The following COL2A1 variants were observed in gnomAD, a reference collection of about 807,000 sequenced individuals.
COL2A1 encodes the protein collagen alpha-1(II) chain.
A neutral mutation model predicts 204.5 loss-of-function variants in COL2A1; 28 were observed. That is an observed-to-expected ratio of 0.14 (90% CI 0.10 to 0.19). The LOEUF (loss-of-function observed/expected upper bound fraction) is 0.19. COL2A1 is among the 10% of genes least tolerant of loss of function. The pLI, the probability that COL2A1 is intolerant of heterozygous loss-of-function variation, is 1.00. For synonymous variants in COL2A1, 708 were observed against 718.7 expected (o/e 0.99, Z 0.24); for missense variants, 1,388 against 2,027.5 (o/e 0.68, Z 6.06).
chr12:47,996,424 A>T, intron 8 of COL2A1, 124 bp downstream of exon 8: 1 of 860,016 alleles, frequency 1.2e-6, no homozygotes. Context: ...ATGGGAGGTT[A>T]CATAACTACG....
At chr12:47,995,826 G>A (rs1307320827) in intron 9 of COL2A1, 49 bp downstream of exon 9, 5 of 1,608,256 alleles carry the variant, frequency 3.1e-6, no homozygotes, top group Non-Finnish European at 3.4e-6. Context: ...CATAGTGCTT[G>A]GGAATCATCT....
In COL2A1 at chr12:47,976,778, C is replaced by A. The variant is rs1452907715; in HGVS notation, c.3435+34G>T. 8.2e-6 allele frequency: 13 copies of A among 1,581,458 alleles called. No individual in the cohort carries two copies. The highest frequency in any genetic ancestry group is 1.1e-5 in the Non-Finnish European group (13 of 1,156,114). Reference sequence around the variant, plus strand: ...CAAGTGGGCTCTGTGTGGCAGGAGGCCTCGGGAAGTCCCACGCAGGCAGTG... The same window carrying A: ...CAAGTGGGCTCTGTGTGGCAGGAGGACTCGGGAAGTCCCACGCAGGCAGTG... On this transcript the variant is annotated intron_variant, in intron 48 of 53. Coordinates refer to ENST00000380518, the MANE Select transcript of COL2A1 (RefSeq NM_001844.5). This position sits in a 1 kb window ranked among gnomAD's most constrained non-coding sequence, Gnocchi z 4.3.
At chr12:47,996,062 C>A in intron 8 of COL2A1, 143 bp from the exon 9 acceptor site, 1 of 689,552 alleles carries the variant, frequency 1.5e-6, no homozygotes, top group Non-Finnish European at 2.6e-6. Context: ...TGCTCCCTCT[C>A]ATTTCCCACT....
rs374360275 is a variant in COL2A1 at position 47,975,401 on chromosome 12, T to G, written c.3802A>C (p.Ser1268Arg). 26 of 1,614,070 alleles carry G rather than the reference T, an allele frequency of 1.6e-5. 1 individual carries two copies. ...TLKSLNNQIE[S>R]IRSPEGSRKN... The stretch of plus-strand genomic sequence containing the variant: ...CGGGAGCCCTCGGGGCTGCGGATGC[T>G]CTCAATCTGGTTGTTGAGGGACTTG... Residue 1268 changes from serine (S) to arginine (R), a missense_variant, in exon 51 of 54, where the codon AGC (serine) becomes CGC (arginine). By Grantham distance (110) the Ser-to-Arg change is moderately radical (BLOSUM62 -1). Around this residue, in one of 3 missense-constraint regions of COL2A1, gnomAD observed 303 missense variants for 369.2 expected, o/e 0.82. Coordinates refer to ENST00000380518, the MANE Select transcript of COL2A1 (RefSeq NM_001844.5).
chr12:48,002,620 TG>T (rs1277390983), intron 1 of COL2A1: 1 of 152,172 alleles, frequency 6.6e-6, no homozygotes, highest in African/African-American at 2.4e-5. Flanking sequence ...TAATACCGGA[TG>T]GAGAATTTGA....
chr12:47,998,348 A>T, intron 3 of COL2A1, 67 bp downstream of exon 3: 1 of 1,515,916 alleles, frequency 6.6e-7, no homozygotes, highest in Non-Finnish European at 9.1e-7. Context: ...TTAACATAGC[A>T]TTGCTTTTGA....
chr12:47,982,057 C>G, intron 35 of COL2A1, 50 bp downstream of exon 35: 1 of 1,571,194 alleles, frequency 6.4e-7, no homozygotes, highest in Admixed American at 1.7e-5. Context: ...CTCCTGGGTG[C>G]AGGGCTAGGA....
Position 47,977,025 on chromosome 12 carries a change from C to A in COL2A1, c.3327+77G>T, listed in dbSNP as rs1042782541. 5 of 1,554,232 alleles carry A rather than the reference C, an allele frequency of 3.2e-6. No homozygotes were observed. In the Admixed American group the frequency reaches 9.6e-5, roughly 30 times the overall value. On this transcript the variant is annotated intron_variant, in intron 47 of 53. Transcript: ENST00000380518. ...CCCCGGAAACACAGGGCTGGAGGCC[C>A]AGGAACCACCTGGAGGCTGGCTGCC...
At chr12:47,984,512 C>A in intron 28 of COL2A1, 34 bp downstream of exon 28, 1 of 1,612,566 alleles carries the variant, frequency 6.2e-7, no homozygotes, top group Middle Eastern at 1.6e-4. Context: ...GCCCGGCCAA[C>A]ACCAAGTCAT....
intron 46 of COL2A1, 25 bp from the exon 47 acceptor site, chr12:47,977,180 C>T: frequency 6.2e-7 from 1 of 1,611,724 alleles, no homozygotes; most frequent in Non-Finnish European, 8.5e-7. Flanking sequence ...AGCGCAGCGT[C>T]AGAGAAAAGC....
intron 41 of COL2A1, 93 bp downstream of exon 41, chr12:47,979,418 G>A: frequency 7.4e-7 from 1 of 1,355,174 alleles, no homozygotes; most frequent in Admixed American, 1.7e-5. Context: ...TCAGAGGAGT[G>A]AAGGCCAGCC....
At chr12:47,979,640 GGT>G in intron 40 of COL2A1, 76 bp from the exon 41 acceptor site, 2 of 546,624 alleles carry the variant, frequency 3.7e-6, no homozygotes, top group Non-Finnish European at 3.6e-6. Context: ...GGGGGGCGGG[GGT>G]GGTCTCAGAG....
Position 47,975,547 on chromosome 12 carries a change from T to C in COL2A1, c.3656A>G (p.Asp1219Gly), listed in dbSNP as rs751251798. 1.3e-5 allele frequency: 21 copies of C among 1,605,388 alleles called. No individual in the cohort carries two copies. Among genetic ancestry groups the C allele is most frequent in the Non-Finnish European group, 1.8e-5 (21 of 1,179,914 alleles). ...GCCTAAGCCAGCAAAGGCGGACATG[T>C]CGATGCCAGGGCCAGGGGGACCTGG... ...GPPGPPGPGI[D>G]MSAFAGLGPR... is the part of the protein sequence containing the mutation. The change falls in exon 51 of 54, where the codon GAC becomes GGC. Residue 1219 changes from aspartate (D) to glycine (G), a missense_variant. Asp to Gly is a moderately conservative substitution (Grantham distance 94). Transcript: ENST00000380518.
In COL2A1 at chr12:47,997,704, C is replaced by T; in HGVS notation, c.433G>A (p.Ala145Thr). 1 of 1,614,074 alleles carries T rather than the reference C, an allele frequency of 6.2e-7. No individual in the cohort carries two copies. The highest frequency in any genetic ancestry group is 1.1e-5 in the South Asian group (1 of 91,076). ...GDRGDKGEKG[A>T]PGPRGRDGEP... ...CCATCTCTGCCACGAGGTCCAGGGG[C>T]ACCCTTGGCATAAAGAGAAAAAGGC... is the stretch of plus-strand genomic sequence containing the variant. Residue 145 changes from alanine (A) to threonine (T), a missense_variant, in exon 7 of 54, where the codon GCC (alanine) becomes ACC (threonine). Physicochemically the swap from Ala to Thr is moderately conservative, Grantham distance 58 (BLOSUM62 0). Coordinates refer to ENST00000380518, the MANE Select transcript of COL2A1 (RefSeq NM_001844.5).
chr12:47,978,898 C>G lies in COL2A1; in HGVS notation c.2734-140G>C, dbSNP rs1404145440. ...CCCACACTAAGGGCAGGCAGCTTAA[C>G]CCCCCCAACCCCAATCTACCGCTGC... On this transcript the variant is annotated intron_variant, in intron 41 of 53. Coordinates refer to ENST00000380518, the MANE Select transcript of COL2A1 (RefSeq NM_001844.5). This position sits in a 1 kb window ranked among gnomAD's most constrained non-coding sequence, Gnocchi z 5.5. 4.9e-6 allele frequency: 4 copies of G among 813,822 alleles called. No individual in the cohort carries two copies. The African/African-American group carries it at 6.8e-5, about 14-fold the overall frequency. 50.4% of individuals were successfully genotyped at this position (813,822 alleles called of 1,614,324 possible).
rs1200816320 is a variant in COL2A1, at chr12:47,974,256, C to T, written c.4150G>A (p.Glu1384Lys). 11 of 1,614,228 alleles carry T rather than the reference C, an allele frequency of 6.8e-6. No homozygotes were observed. Among genetic ancestry groups the T allele is most frequent in the Non-Finnish European group, 8.5e-6 (10 of 1,180,046 alleles). ...TGGTAGGTGATGTTCTGGGAGCCTT[C>T]CGTGGACAGCAGGCGTAGGAAGGTC... The part of the protein sequence containing the change: ...QMTFLRLLST[E>K]GSQNITYHCK... The change falls in exon 53 of 54, where the codon GAA becomes AAA. Residue 1384 changes from glutamate (E) to lysine (K), a missense_variant. Transcript: ENST00000380518.
chr12:48,002,480 A>G (rs956912367), intron 1 of COL2A1: 15 of 152,166 alleles, frequency 9.9e-5, no homozygotes, highest in Non-Finnish European at 8.8e-5. Flanking sequence ...AGCCTCTCGG[A>G]TGCAGAATCA....
chr12:47,999,655 T>TTTTTTTTA lies in COL2A1; in HGVS notation c.292+263_292+264insTAAAAAAA, dbSNP rs1940138084. On this transcript the variant is annotated intron_variant, in intron 2 of 53. Coordinates refer to ENST00000380518, the MANE Select transcript of COL2A1 (RefSeq NM_001844.5). Reference sequence around the variant, plus strand: ...GAGGATTTTTTTTTTTTTTTTTTTGTAGAATCACATCTGTCCTTCATGTGT... The same window carrying TTTTTTTTA: ...GAGGATTTTTTTTTTTTTTTTTTTGTTTTTTTTAAGAATCACATCTGTCCTTCATGTGT... 7.5e-5 allele frequency: 14 copies of TTTTTTTTA among 185,846 alleles called. 5 individuals are homozygous for TTTTTTTTA. Among genetic ancestry groups the TTTTTTTTA allele is most frequent in the East Asian group, 4.6e-4 (5 of 10,780 alleles). 11.5% of individuals were successfully genotyped at this position (185,846 alleles called of 1,614,324 possible).
Position 47,999,908 on chromosome 12 carries a change from T to C in COL2A1, c.292+11A>G. On this transcript the variant is annotated intron_variant, in intron 2 of 53. Transcript: ENST00000380518. ...TTATTTATGTTGAACAGGAAATAAA[T>C]AAATTACAACCACTGGCAGTGGCGA... 12 of 1,610,878 alleles carry C rather than the reference T, an allele frequency of 7.4e-6. No individual in the cohort carries two copies. The highest frequency in any genetic ancestry group is 1.0e-5 in the Non-Finnish European group (12 of 1,177,132).
Sources: gnomAD v4.1 joint callset for allele counts on GRCh38, gnomAD v4.1.1 for gene constraint, gnomAD v4.1.1 regional missense constraint, Gnocchi (gnomAD v3.1) non-coding constraint, MANE v1.5 for transcripts, NCBI Gene and HGNC (gene_info 2026-07-23, HGNC 2026-07-21) for gene names.